Variants in TCF20 observed in about 807,000 individuals in gnomAD.
TCF20 encodes transcription factor 20.
Under a neutral mutation model 148.6 loss-of-function variants are expected in TCF20, and 3 were observed. The observed-to-expected ratio is 0.02, with a 90% CI of 0.01 to 0.05. The LOEUF (loss-of-function observed/expected upper bound fraction) is 0.05. Ranked by LOEUF, TCF20 falls within the 10% of genes least tolerant of loss-of-function variation. The pLI, the probability that TCF20 is intolerant of heterozygous loss-of-function variation, is 1.00. For missense variants in TCF20, 2,350 were observed against 2,429.3 expected (o/e 0.97, Z 0.69); for synonymous variants, 1,049 against 909.5 (o/e 1.15, Z -2.76).
At chr22:42,169,355 G>A (rs139618851) in intron 4 of TCF20, among the ~76,000 whole-genome samples, 3 of 151,980 alleles carry the variant, frequency 2.0e-5, no homozygotes, top group African/African-American at 7.3e-5. Flanking sequence ...AGTGGAGCCC[G>A]AGACAGCCCA....
chr22:42,340,894 C>CA (rs1169801801), intron 1 of TCF20, among the ~76,000 whole-genome samples: 2 of 136,686 alleles, frequency 1.5e-5, no homozygotes, highest in African/African-American at 5.3e-5. Flanking sequence ...CCCCCCCCCC[C>CA]ACCCCAACCA....
intron 1 of TCF20, among the ~76,000 whole-genome samples, chr22:42,305,675 G>A (rs1420239003): frequency 6.6e-6 from 1 of 152,136 alleles, no homozygotes; most frequent in African/African-American, 2.4e-5. Context: ...TCCAGACCCT[G>A]GCCTCCCCAG....
At chr22:42,269,853 C>A (rs1190642237) in intron 1 of TCF20, 1 of 152,412 alleles carries the variant, frequency 6.6e-6, no homozygotes, top group African/African-American at 2.4e-5. Context: ...CGGCGCCCTC[C>A]CGCCCACATC....
chr22:42,240,878 G>C (rs1006724520), intron 1 of TCF20, among the ~76,000 whole-genome samples: 3 of 151,526 alleles, frequency 2.0e-5, no homozygotes, highest in Non-Finnish European at 4.4e-5. Context: ...TTCTGAGACA[G>C]AGTCTTGCTC....
intron 1 of TCF20, among the ~76,000 whole-genome samples, chr22:42,265,606 A>G (rs1926243052): frequency 6.6e-6 from 1 of 152,216 alleles, no homozygotes; most frequent in African/African-American, 2.4e-5. Context: ...TTACCTCCAC[A>G]AAAAGAAAAT....
chr22:42,235,225 G>A (rs1257547982), intron 1 of TCF20, among the ~76,000 whole-genome samples: 1 of 152,032 alleles, frequency 6.6e-6, no homozygotes, highest in East Asian at 1.9e-4. Flanking sequence ...TGATAAGGAG[G>A]GTGCCATGTA....
At chr22:42,306,147 G>A (rs911366717) in intron 1 of TCF20, among the ~76,000 whole-genome samples, 1 of 152,258 alleles carries the variant, frequency 6.6e-6, no homozygotes, top group South Asian at 2.1e-4. Flanking sequence ...CTCAAGCTGA[G>A]CGCATGGCTA....
chr22:42,203,219 G>C, intron 2 of TCF20, among the ~76,000 whole-genome samples: 1 of 152,144 alleles, frequency 6.6e-6, no homozygotes, highest in East Asian at 1.9e-4. Flanking sequence ...GTAGAGACAG[G>C]GTTTCTCCAT....
chr22:42,243,292 C>CAAAAAAAAAAAA lies in TCF20; in HGVS notation c.-37+27035_-37+27046dup, dbSNP rs3045578. On this transcript the variant is annotated intron_variant, in intron 1 of 5. Coordinates refer to ENST00000677622, the MANE Select transcript of TCF20 (RefSeq NM_001378418.1). ...TGGCTGGCAGAGCAAGACACTGTCT[C>CAAAAAAAAAAAA]AAAAAAAAAAAAAAAAAAAAAAAAA... Among the ~76,000 whole-genome samples the CAAAAAAAAAAAA allele has an allele frequency of 9.6e-4, 38 of 39,494 alleles. 11 individuals carry two copies. The East Asian group carries it at 0.01, about 11-fold the overall frequency. The allele number at this position is 39,494 out of a possible 152,430, so 25.9% of individuals were successfully genotyped here. A position where few individuals can be genotyped will look rare whatever the true frequency, so the allele number is the denominator to read the frequency against.
rs534321285 is a variant in TCF20 at position 42,244,441 on chromosome 22, T to A, written c.-37+25898A>T. On this transcript the variant is annotated intron_variant, in intron 1 of 5. Coordinates refer to ENST00000677622, the MANE Select transcript of TCF20 (RefSeq NM_001378418.1). Reference sequence around the variant, plus strand: ...ATTGTGGTATATACATAAAACTGAGTATGTATTCAGCCATGAAAAGGAATG... The same window carrying A: ...ATTGTGGTATATACATAAAACTGAGAATGTATTCAGCCATGAAAAGGAATG... 1.8e-3 allele frequency among the ~76,000 whole-genome samples: 281 copies of A among 152,212 alleles called. 3 individuals are homozygous for A. Among genetic ancestry groups the A allele is most frequent in the Non-Finnish European group, 2.3e-3 (154 of 68,014 alleles).
Position 42,279,990 on chromosome 22 carries a change from T to C in TCF20, c.-37+3837A>G, listed in dbSNP as rs936825820. Among the ~76,000 whole-genome samples the C allele has an allele frequency of 6.6e-6, 1 of 152,252 alleles. No homozygotes were observed. Among genetic ancestry groups the C allele is most frequent in the East Asian group, 1.9e-4 (1 of 5,180 alleles). ...GGGGAGCTGCTACTGGGCTGGGCCCTCTCGGTCCCTGAGCCTAGACCAGGT... is the reference window on the plus strand; with the variant it reads ...GGGGAGCTGCTACTGGGCTGGGCCCCCTCGGTCCCTGAGCCTAGACCAGGT... On this transcript the variant is annotated intron_variant, in intron 1 of 5. Transcript: ENST00000359486. The surrounding 1 kb of genome is among the most constrained non-coding windows in gnomAD (Gnocchi z 4.3).
intron 1 of TCF20, among the ~76,000 whole-genome samples, chr22:42,332,524 G>A (rs552042288): frequency 2.0e-5 from 3 of 152,108 alleles, no homozygotes; most frequent in South Asian, 2.1e-4. Flanking sequence ...TTTTTGAGGC[G>A]GAGTCTCGCT....
chr22:42,322,036 A>G (rs769827333), intron 1 of TCF20, among the ~76,000 whole-genome samples: 2 of 151,804 alleles, frequency 1.3e-5, no homozygotes, highest in Non-Finnish European at 2.9e-5. Flanking sequence ...TCACACATGT[A>G]AAATATTTGG....
rs78584387 is a variant in TCF20 at position 42,294,255 on chromosome 22, C to T, written c.-37+49224G>A. On this transcript the variant is annotated intron_variant, in intron 1 of 1. Transcript: ENST00000515426. ...TAGAGCACAAACCCTGCGTGCACTA[C>T]ACTGGCAGGCACCTGCCAATCTCAG... Among the ~76,000 whole-genome samples the T allele has an allele frequency of 7.3e-3, 1,106 of 152,360 alleles. 17 individuals carry two copies. Among genetic ancestry groups the T allele is most frequent in the African/African-American group, 0.025 (1,050 of 41,578 alleles).
chr22:42,298,606 G>A (rs1046787600), intron 1 of TCF20, among the ~76,000 whole-genome samples: 4 of 152,190 alleles, frequency 2.6e-5, no homozygotes, highest in East Asian at 1.9e-4. Context: ...ATCTTTGCAC[G>A]GATGGTGCTG....
intron 2 of TCF20, among the ~76,000 whole-genome samples, chr22:42,196,077 T>C (rs139043360): frequency 8.9e-4 from 135 of 152,300 alleles, no homozygotes; most frequent in Non-Finnish European, 1.6e-3. Context: ...CTGGGAGGCA[T>C]AGGCTCTGAA....
chr22:42,167,499 C>T (rs1935859423), intron 5 of TCF20, among the ~76,000 whole-genome samples: 1 of 151,916 alleles, frequency 6.6e-6, no homozygotes, highest in Admixed American at 6.6e-5. Context: ...CATCCTGTAG[C>T]AGCAAGTGCC....
intron 1 of TCF20, among the ~76,000 whole-genome samples, chr22:42,234,133 A>G (rs1197465693): frequency 6.6e-6 from 1 of 152,228 alleles, no homozygotes; most frequent in East Asian, 1.9e-4. Flanking sequence ...ACCACATCCT[A>G]ATTTACGAGC....
intron 1 of TCF20, among the ~76,000 whole-genome samples, chr22:42,339,261 A>G (rs954636625): frequency 1.3e-5 from 2 of 152,228 alleles, no homozygotes; most frequent in African/African-American, 2.4e-5. Flanking sequence ...ATCTCACTGC[A>G]GCTCCAGGCG....
Sources: gnomAD v4.1 joint callset for allele counts (sites outside exome capture counted in the v4.1 genomes callset) on GRCh38, gnomAD v4.1.1 for gene constraint, Gnocchi (gnomAD v3.1) non-coding constraint, MANE v1.5 for transcripts, NCBI Gene and HGNC (gene_info 2026-07-23, HGNC 2026-07-21) for gene names.